Variants in JADE3 observed in about 807,000 individuals in gnomAD.
JADE3 encodes protein Jade-3.
Under a neutral mutation model 50.1 loss-of-function variants are expected in JADE3, and 2 were observed. That is an observed-to-expected ratio of 0.04 (90% CI 0.02 to 0.13). JADE3 has a LOEUF of 0.13. Ranked by LOEUF, JADE3 falls within the 10% of genes least tolerant of loss-of-function variation. JADE3 has a pLI of 1.00. For missense variants in JADE3, 475 were observed against 634.4 expected (o/e 0.75, Z 2.70); for synonymous variants, 218 against 232.9 (o/e 0.94, Z 0.58).
chrX:46,935,270 A>G (rs1602374877), intron 1 of JADE3, among the ~76,000 whole-genome samples: 1 of 112,011 alleles, frequency 8.9e-6, no homozygotes, highest in African/African-American at 3.3e-5. Context: ...CAATACCACT[A>G]TCTTGATTAC....
intron 4 of JADE3, among the ~76,000 whole-genome samples, chrX:47,016,739 C>T (rs1163391484): frequency 9.5e-6 from 1 of 105,134 alleles, no homozygotes; most frequent in Non-Finnish European, 1.9e-5. Context: ...AGGCTAGATT[C>T]AAACTCCTGG....
intron 1 of JADE3, among the ~76,000 whole-genome samples, chrX:46,943,494 A>G (rs1267921331): frequency 8.9e-6 from 1 of 112,051 alleles, no homozygotes; most frequent in Non-Finnish European, 1.9e-5. Context: ...TTTGTTTTTA[A>G]TTGTTTATGT....
intron 1 of JADE3, among the ~76,000 whole-genome samples, chrX:46,922,883 C>T (rs1051115185): frequency 9.0e-6 from 1 of 111,643 alleles, no homozygotes; most frequent in African/African-American, 3.3e-5. Flanking sequence ...CCTTTTGTTA[C>T]GCCTCCTAAA....
intron 8 of JADE3, among the ~76,000 whole-genome samples, chrX:47,049,923 G>A (rs368809958): frequency 2.4e-4 from 25 of 105,792 alleles, no homozygotes; most frequent in African/African-American, 8.3e-4. Flanking sequence ...CACTGCACCC[G>A]GCACTCTTCT....
At chrX:47,037,787 C>A (rs1929166625) in intron 7 of JADE3, among the ~76,000 whole-genome samples, 2 of 112,034 alleles carry the variant, frequency 1.8e-5, no homozygotes, top group South Asian at 7.4e-4. Flanking sequence ...TACAAACAAT[C>A]CAGTTATGTT....
intron 1 of JADE3, among the ~76,000 whole-genome samples, chrX:46,964,386 T>C (rs1173043453): frequency 8.9e-6 from 1 of 111,756 alleles, no homozygotes; most frequent in Non-Finnish European, 1.9e-5. Context: ...GGAACACTCA[T>C]ACTAGGACTC....
intron 1 of JADE3, among the ~76,000 whole-genome samples, chrX:46,942,421 A>T (rs998531903): frequency 8.9e-6 from 1 of 112,311 alleles, no homozygotes; most frequent in African/African-American, 3.2e-5. Context: ...TTTCTTCGGC[A>T]TATGGCTAGC....
At chrX:46,992,104 G>A (rs1556356138) in intron 3 of JADE3, among the ~76,000 whole-genome samples, 2 of 111,012 alleles carry the variant, frequency 1.8e-5, no homozygotes, top group Non-Finnish European at 3.8e-5. Flanking sequence ...TTGCCCGTTA[G>A]GTAACACAGG....
At chrX:46,922,685 G>C (rs1556338014) in intron 1 of JADE3, among the ~76,000 whole-genome samples, 1 of 108,246 alleles carries the variant, frequency 9.2e-6, no homozygotes, top group Non-Finnish European at 1.9e-5. Context: ...ATTTCCCTTT[G>C]ATTCATTCTT....
chrX:47,038,081 G>A (rs1311273899), intron 7 of JADE3, among the ~76,000 whole-genome samples: 2 of 111,513 alleles, frequency 1.8e-5, no homozygotes, highest in Non-Finnish European at 3.8e-5. Context: ...TTCACTTGAC[G>A]TAATGACCTC....
chrX:47,015,720 C>CT (rs1170777560), intron 4 of JADE3, among the ~76,000 whole-genome samples: 2,931 of 84,019 alleles, frequency 0.035, 141 homozygotes, highest in African/African-American at 0.078. Context: ...GTCTCAGCAT[C>CT]TTTTTTTTTT....
intron 4 of JADE3, among the ~76,000 whole-genome samples, chrX:47,006,520 G>A (rs1343587267): frequency 2.1e-5 from 2 of 96,383 alleles, no homozygotes; most frequent in African/African-American, 7.8e-5. Context: ...GGCTGGTCTT[G>A]AACTCCCGGG....
intron 1 of JADE3, among the ~76,000 whole-genome samples, chrX:46,917,669 AAG>A (rs1339152971): frequency 9.0e-6 from 1 of 110,610 alleles, no homozygotes; most frequent in Non-Finnish European, 1.9e-5. Flanking sequence ...GACTTGGGGT[AAG>A]AGAGATGAGG....
chrX:47,030,427 A>G (rs1602414978), intron 6 of JADE3, among the ~76,000 whole-genome samples: 1 of 111,902 alleles, frequency 8.9e-6, no homozygotes, highest in East Asian at 2.8e-4. Flanking sequence ...TAAAGCTGGG[A>G]CATTGGTACC....
At chrX:46,943,549 A>G (rs1926813424) in intron 1 of JADE3, among the ~76,000 whole-genome samples, 1 of 112,454 alleles carries the variant, frequency 8.9e-6, no homozygotes, top group Non-Finnish European at 1.9e-5. Context: ...CTAACCTAGT[A>G]TCCCAGGAAT....
At chrX:46,998,567 C>G (rs1290234944) in intron 4 of JADE3, among the ~76,000 whole-genome samples, 1 of 111,053 alleles carries the variant, frequency 9.0e-6, no homozygotes, top group Non-Finnish European at 1.9e-5. Flanking sequence ...CAAGTCTTGA[C>G]TCAACAGTCA....
chrX:46,990,419 C>A (rs1446939242), intron 3 of JADE3, among the ~76,000 whole-genome samples: 2 of 111,799 alleles, frequency 1.8e-5, no homozygotes, highest in Admixed American at 9.5e-5. Flanking sequence ...CTCTGGGAAG[C>A]AGCACTGGGG....
intron 7 of JADE3, among the ~76,000 whole-genome samples, chrX:47,037,798 C>T (rs1333780442): frequency 9.0e-6 from 1 of 111,694 alleles, no homozygotes; most frequent in African/African-American, 3.3e-5. Flanking sequence ...CAGTTATGTT[C>T]TTGTAGTTAT....
At chrX:46,950,010 GAAAC>G (rs1926969249) in intron 1 of JADE3, among the ~76,000 whole-genome samples, 1 of 111,628 alleles carries the variant, frequency 9.0e-6, no homozygotes, top group Non-Finnish European at 1.9e-5. Flanking sequence ...TGTAATAAAA[GAAAC>G]AAACTATTCA....
Sources: gnomAD v4.1 joint callset for allele counts (sites outside exome capture counted in the v4.1 genomes callset) on GRCh38, gnomAD v4.1.1 for gene constraint, MANE v1.5 for transcripts, NCBI Gene and HGNC (gene_info 2026-07-23, HGNC 2026-07-21) for gene names.